Variants in BBS9 observed in about 807,000 individuals in gnomAD.
The protein encoded by BBS9 is Bardet-Biedl syndrome 9, also known as protein PTHB1.
Under a neutral mutation model 117.7 loss-of-function variants are expected in BBS9, and 89 were observed. That is an observed-to-expected ratio of 0.76 (90% CI 0.64 to 0.90). The LOEUF is 0.90. Among genes scored for constraint, BBS9 ranks in the 40% least tolerant of loss-of-function variants. The pLI is 0.00. For missense variants in BBS9, 982 were observed against 1,042.2 expected (o/e 0.94, Z 0.80); for synonymous variants, 379 against 370.9 (o/e 1.02, Z -0.25).
intron 19 of BBS9, among the ~76,000 whole-genome samples, chr7:33,472,315 C>T (rs1336438890): frequency 6.6e-6 from 1 of 152,160 alleles, no homozygotes; most frequent in Non-Finnish European, 1.5e-5. Flanking sequence ...AGACCTTGAT[C>T]ATGGAGGATT....
chr7:33,445,804 A>G (rs1481375443), intron 19 of BBS9, among the ~76,000 whole-genome samples: 1 of 152,132 alleles, frequency 6.6e-6, no homozygotes, highest in African/African-American at 2.4e-5. Context: ...TGGTGGTTTT[A>G]TAAGCATCTG....
At chr7:33,213,756 G>A (rs922663963) in intron 5 of BBS9, among the ~76,000 whole-genome samples, 1 of 152,106 alleles carries the variant, frequency 6.6e-6, no homozygotes, top group Non-Finnish European at 1.5e-5. Context: ...TTGGTCCAGG[G>A]TGTGTCTAGA....
intron 9 of BBS9, among the ~76,000 whole-genome samples, chr7:33,316,663 G>A (rs1030541008): frequency 4.6e-5 from 7 of 152,002 alleles, no homozygotes; most frequent in Non-Finnish European, 7.4e-5. Flanking sequence ...CATTTTTTTC[G>A]TGGCTTATTG....
At chr7:33,306,345 G>A (rs1391047803) in intron 9 of BBS9, among the ~76,000 whole-genome samples, 2 of 151,870 alleles carry the variant, frequency 1.3e-5, no homozygotes, top group Non-Finnish European at 2.9e-5. Context: ...TATAATGAAG[G>A]CCATCATGCT....
intron 5 of BBS9, among the ~76,000 whole-genome samples, chr7:33,224,014 G>T (rs962559578): frequency 6.6e-6 from 1 of 152,094 alleles, no homozygotes; most frequent in Non-Finnish European, 1.5e-5. Flanking sequence ...TTCCTTAAAT[G>T]GGTCTCAGTG....
chr7:33,623,575 T>C lies in BBS9; in HGVS notation c.2522-11602T>C, dbSNP rs1397801958. 3.8e-5 allele frequency among the ~76,000 whole-genome samples: 5 copies of C among 132,306 alleles called. No homozygotes were observed. The Admixed American group carries it at 4.2e-4, about 11-fold the overall frequency. 86.8% of individuals were successfully genotyped at this position (132,306 alleles called of 152,430 possible). Reference sequence around the variant, plus strand: ...CCAATAGGAATTTTGAGAATGCTCATAAAAGCATGATTAAAAAAAAGAAAA... The same window carrying C: ...CCAATAGGAATTTTGAGAATGCTCACAAAAGCATGATTAAAAAAAAGAAAA... On this transcript the variant is annotated intron_variant, in intron 21 of 21. Transcript: ENST00000671952.
At chr7:33,512,093 C>CATG (rs1440858250) in intron 20 of BBS9, among the ~76,000 whole-genome samples, 1 of 152,152 alleles carries the variant, frequency 6.6e-6, no homozygotes, top group African/African-American at 2.4e-5. Context: ...GCAAGATAAA[C>CATG]ATGAAAGAAC....
intron 19 of BBS9, among the ~76,000 whole-genome samples, chr7:33,456,040 G>A (rs962580239): frequency 3.3e-5 from 5 of 152,134 alleles, no homozygotes; most frequent in South Asian, 2.1e-4. Context: ...GGTCCTACAC[G>A]CATGTGCACA....
intron 17 of BBS9, among the ~76,000 whole-genome samples, chr7:33,377,938 A>C (rs1426190633): frequency 6.6e-6 from 1 of 152,192 alleles, no homozygotes; most frequent in Non-Finnish European, 1.5e-5. Context: ...ACCATTAAAA[A>C]ATTTATTAAA....
chr7:33,280,985 G>C (rs1255545357), intron 9 of BBS9, among the ~76,000 whole-genome samples: 1 of 120,776 alleles, frequency 8.3e-6, no homozygotes, highest in Non-Finnish European at 1.7e-5. Context: ...TGTATTTTAA[G>C]GATTTTCTTT....
chr7:33,223,141 G>A (rs1230191078), intron 5 of BBS9, among the ~76,000 whole-genome samples: 1 of 150,528 alleles, frequency 6.6e-6, no homozygotes, highest in Non-Finnish European at 1.5e-5. Context: ...ATTTTTTATG[G>A]CAGTCAATAT....
At chr7:33,522,285 T>G (rs1265625991) in intron 20 of BBS9, among the ~76,000 whole-genome samples, 3 of 152,108 alleles carry the variant, frequency 2.0e-5, no homozygotes, top group Non-Finnish European at 4.4e-5. Flanking sequence ...TTGGGTCAAA[T>G]GGTATTTCTA....
chr7:33,557,178 C>A (rs1450588931), intron 21 of BBS9, among the ~76,000 whole-genome samples: 1 of 152,118 alleles, frequency 6.6e-6, no homozygotes, highest in Non-Finnish European at 1.5e-5. Flanking sequence ...ACCATGATAA[C>A]CCTGTCTAGA....
intron 20 of BBS9, among the ~76,000 whole-genome samples, chr7:33,518,344 G>C (rs894453747): frequency 1.4e-5 from 2 of 144,400 alleles, no homozygotes; most frequent in Non-Finnish European, 3.0e-5. Context: ...TCTGCCTCCC[G>C]GGTTCAAACG....
At chr7:33,490,744 A>G (rs575677671) in intron 19 of BBS9, among the ~76,000 whole-genome samples, 3 of 152,310 alleles carry the variant, frequency 2.0e-5, no homozygotes, top group Non-Finnish European at 4.4e-5. Context: ...CTTCTATTCT[A>G]TTAATAAGAA....
At chr7:33,312,474 C>CA (rs1809477765) in intron 9 of BBS9, among the ~76,000 whole-genome samples, 1 of 151,664 alleles carries the variant, frequency 6.6e-6, no homozygotes, top group Non-Finnish European at 1.5e-5. Flanking sequence ...TCAAATGCCG[C>CA]ATAGATATTG....
At position 33,342,630 on chromosome 7, in the gene BBS9, T is replaced by G. The variant is rs148982352; in HGVS notation, c.1275+1657T>G. Among the ~76,000 whole-genome samples, 8 of 152,306 alleles carry G rather than the reference T, an allele frequency of 5.3e-5. No individual in the cohort carries two copies. In the East Asian group the frequency reaches 1.5e-3, roughly 29 times the overall value. On this transcript the variant is annotated intron_variant, in intron 11 of 22. Transcript: ENST00000242067. The stretch of plus-strand genomic sequence containing the variant: ...CCCTGTGTTACTATTTTTTCTTTCT[T>G]AAGAGATTTCTTGAGAGTATCATAT...
intron 5 of BBS9, among the ~76,000 whole-genome samples, chr7:33,193,958 G>T (rs1008993135): frequency 1.3e-5 from 2 of 151,996 alleles, no homozygotes; most frequent in African/African-American, 4.8e-5. Flanking sequence ...GTCCTCTGTG[G>T]GTGTGTGTGA....
At chr7:33,449,749 T>A (rs1051601839) in intron 19 of BBS9, among the ~76,000 whole-genome samples, 4 of 152,204 alleles carry the variant, frequency 2.6e-5, no homozygotes, top group Non-Finnish European at 4.4e-5. Context: ...GTATTTCTTA[T>A]GCTTGTGATT....
Sources: allele counts gnomAD v4.1 joint callset (sites outside exome capture counted in the v4.1 genomes callset), GRCh38; gene constraint gnomAD v4.1.1; transcripts MANE v1.5; gene names NCBI Gene and HGNC (gene_info 2026-07-23, HGNC 2026-07-21).